GRID2: variants seen among roughly 807,000 people sequenced by gnomAD.
The protein encoded by GRID2 is glutamate ionotropic receptor delta type subunit 2.
A neutral mutation model predicts 114.8 loss-of-function variants in GRID2; 33 were observed. That is an observed-to-expected ratio of 0.29 (90% CI 0.22 to 0.38). The LOEUF is 0.38. Among genes scored for constraint, GRID2 ranks in the 10% least tolerant of loss-of-function variants. GRID2 has a pLI of 1.00. For missense variants in GRID2, 1,184 were observed against 1,257.7 expected, an observed-to-expected ratio of 0.94 and a Z score of 0.89; for synonymous variants, 505 against 449.9, an observed-to-expected ratio of 1.12 and a Z score of -1.55.
chr4:93,071,185 A>T (rs1230639317), intron 2 of GRID2, among the ~76,000 whole-genome samples: 1 of 152,066 alleles, frequency 6.6e-6, no homozygotes, highest in Non-Finnish European at 1.5e-5. Context: ...GGAGTGGATT[A>T]TTTCTGTAAA....
chr4:92,980,089 T>TAATATA (rs1321085553), intron 2 of GRID2, among the ~76,000 whole-genome samples: 1 of 152,174 alleles, frequency 6.6e-6, no homozygotes, highest in African/African-American at 2.4e-5. Flanking sequence ...GTGTGGACTT[T>TAATATA]AATATAAATA....
chr4:92,737,712 C>A (rs1204038419), intron 2 of GRID2, among the ~76,000 whole-genome samples: 1 of 151,996 alleles, frequency 6.6e-6, no homozygotes, highest in Non-Finnish European at 1.5e-5. Context: ...TAAACAGATA[C>A]CTCTTACAGA....
chr4:93,323,919 G>A (rs574038177), intron 8 of GRID2, among the ~76,000 whole-genome samples: 221 of 152,304 alleles, frequency 1.5e-3, no homozygotes, highest in African/African-American at 5.0e-3. Context: ...CTTTGCTGAA[G>A]TTGCTTATCA....
At chr4:93,719,853 G>T (rs1361940540) in intron 14 of GRID2, among the ~76,000 whole-genome samples, 1 of 152,084 alleles carries the variant, frequency 6.6e-6, no homozygotes, top group Non-Finnish European at 1.5e-5. Context: ...GACATTTCCT[G>T]TGCAGTCTGA....
intron 1 of GRID2, among the ~76,000 whole-genome samples, chr4:92,323,967 G>T (rs532309128): frequency 6.6e-6 from 1 of 151,970 alleles, no homozygotes; most frequent in South Asian, 2.1e-4. Context: ...TATTAATGTG[G>T]GCTATCTAGG....
At chr4:93,166,599 A>G (rs541281463) in intron 4 of GRID2, among the ~76,000 whole-genome samples, 229 of 152,320 alleles carry the variant, frequency 1.5e-3, no homozygotes, top group African/African-American at 5.4e-3. Flanking sequence ...TATCTGGAGT[A>G]TAAAATGAAG....
intron 2 of GRID2, among the ~76,000 whole-genome samples, chr4:92,633,068 G>A (rs1730888867): frequency 6.6e-6 from 1 of 152,142 alleles, no homozygotes; most frequent in East Asian, 1.9e-4. Context: ...CAGTGAACAT[G>A]CAGCACCCAA....
At chr4:92,788,512 G>T (rs1025236875) in intron 2 of GRID2, among the ~76,000 whole-genome samples, 39 of 151,968 alleles carry the variant, frequency 2.6e-4, no homozygotes, top group Non-Finnish European at 1.5e-4. Context: ...GAACATGCAA[G>T]AATTTTTTAT....
chr4:93,626,119 A>G (rs1742707340), intron 13 of GRID2, 150 bp from the exon 14 acceptor site: 2 of 553,028 alleles, frequency 3.6e-6, no homozygotes, highest in Non-Finnish European at 6.3e-6. Context: ...TCTGAAATCA[A>G]TCCCCAACAG....
chr4:92,776,441 C>A (rs1428740926), intron 2 of GRID2, among the ~76,000 whole-genome samples: 1 of 152,012 alleles, frequency 6.6e-6, no homozygotes, highest in South Asian at 2.1e-4. Flanking sequence ...GACATCCACA[C>A]ATACAGCTAC....
At chr4:93,137,048 A>C (rs989997446) in intron 4 of GRID2, among the ~76,000 whole-genome samples, 7 of 152,208 alleles carry the variant, frequency 4.6e-5, no homozygotes, top group Non-Finnish European at 7.3e-5. Flanking sequence ...AGAGAAAACA[A>C]AATATATAAT....
At chr4:92,966,774 T>A (rs1230465529) in intron 2 of GRID2, among the ~76,000 whole-genome samples, 1 of 151,966 alleles carries the variant, frequency 6.6e-6, no homozygotes, top group Non-Finnish European at 1.5e-5. Context: ...CATAAATTAC[T>A]CAGTCTCGGG....
chr4:93,703,450 A>G (rs1727690269), intron 14 of GRID2, among the ~76,000 whole-genome samples: 1 of 152,128 alleles, frequency 6.6e-6, no homozygotes, highest in African/African-American at 2.4e-5. Flanking sequence ...ATAAGTTATC[A>G]TTGACTGTAG....
intron 8 of GRID2, among the ~76,000 whole-genome samples, chr4:93,338,199 A>AT (rs1186092013): frequency 1.3e-5 from 2 of 152,014 alleles, no homozygotes; most frequent in African/African-American, 4.8e-5. Flanking sequence ...ATATTTTCTC[A>AT]TTTTTTTGGT....
intron 14 of GRID2, among the ~76,000 whole-genome samples, chr4:93,680,516 G>A (rs1196491230): frequency 2.0e-5 from 3 of 151,294 alleles, no homozygotes; most frequent in Admixed American, 6.6e-5. Context: ...GAACATTGAT[G>A]CAAAAATCCT....
chr4:93,160,750 GGGCTCATAAGTAAATTGATATTAGTGT>G (rs1251879434), intron 4 of GRID2, among the ~76,000 whole-genome samples: 9 of 151,646 alleles, frequency 5.9e-5, no homozygotes, highest in African/African-American at 2.2e-4. Flanking sequence ...AGTAAATTGT[GGGCTCATAAGTAAATTGATATTAGTGT>G]GGATCATAAG....
At chr4:92,500,675 A>C (rs1175472234) in intron 1 of GRID2, among the ~76,000 whole-genome samples, 1 of 152,142 alleles carries the variant, frequency 6.6e-6, no homozygotes, top group Admixed American at 6.6e-5. Context: ...CTCTGGCTTT[A>C]AAAGAATACC....
intron 2 of GRID2, among the ~76,000 whole-genome samples, chr4:93,060,255 T>C (rs565548131): frequency 2.6e-4 from 39 of 152,284 alleles, no homozygotes; most frequent in African/African-American, 8.2e-4. Flanking sequence ...TAGATTGTCA[T>C]AGCTATGTTG....
At chr4:92,447,693 A>T (rs62312221) in intron 1 of GRID2, among the ~76,000 whole-genome samples, 1 of 152,146 alleles carries the variant, frequency 6.6e-6, no homozygotes, top group Admixed American at 6.5e-5. Flanking sequence ...GCAGATTCCA[A>T]ATCTGGTGAG....
Sources: allele counts gnomAD v4.1 joint callset (sites outside exome capture counted in the v4.1 genomes callset), GRCh38; gene constraint gnomAD v4.1.1; transcripts MANE v1.5; gene names NCBI Gene and HGNC (gene_info 2026-07-23, HGNC 2026-07-21).